SPATA17: variants seen among roughly 807,000 people sequenced by gnomAD.
SPATA17 encodes the protein spermatogenesis associated 17, also known as spermatogenesis-associated protein 17.
In SPATA17, 53 loss-of-function variants were observed where a neutral mutation model predicts 62.2. That is an observed-to-expected ratio of 0.85 (90% CI 0.68 to 1.07). SPATA17 has a LOEUF of 1.07. Ranked by LOEUF, SPATA17 falls within the 50% of genes least tolerant of loss-of-function variation. The pLI is 0.00. For synonymous variants in SPATA17, 146 were observed against 146.8 expected, an observed-to-expected ratio of 0.99 and a Z score of 0.04; for missense variants, 466 against 425.5, an observed-to-expected ratio of 1.10 and a Z score of -0.84.
intron 6 of SPATA17, among the ~76,000 whole-genome samples, chr1:217,745,550 G>C (rs35759235): frequency 0.46 from 69,737 of 151,910 alleles, 17,505 homozygotes; most frequent in Non-Finnish European, 0.58. Context: ...CTACAAGTCA[G>C]AACTATTAAT....
intron 1 of SPATA17, among the ~76,000 whole-genome samples, chr1:217,640,023 C>T (rs1223053819): frequency 6.6e-6 from 1 of 151,260 alleles, no homozygotes; most frequent in Non-Finnish European, 1.5e-5. Context: ...GTTCTTGGAA[C>T]AGTCTTTCCC....
At chr1:217,799,301 G>A (rs181823009) in intron 8 of SPATA17, among the ~76,000 whole-genome samples, 144 of 152,176 alleles carry the variant, frequency 9.5e-4, no homozygotes, top group African/African-American at 3.2e-3. Flanking sequence ...TGTCGTCTCG[G>A]CCATTCATTC....
intron 5 of SPATA17, among the ~76,000 whole-genome samples, chr1:217,710,925 T>C (rs1249522570): frequency 6.6e-6 from 1 of 152,198 alleles, no homozygotes; most frequent in African/African-American, 2.4e-5. Context: ...ATTGAACCTT[T>C]TATGACTTCT....
intron 9 of SPATA17, among the ~76,000 whole-genome samples, chr1:217,834,166 G>C (rs552669005): frequency 6.6e-6 from 1 of 152,100 alleles, no homozygotes; most frequent in South Asian, 2.1e-4. Flanking sequence ...GGGTGATGCT[G>C]GTGTAAATAA....
chr1:217,722,700 A>G (rs1178441639), intron 5 of SPATA17, among the ~76,000 whole-genome samples: 1 of 152,222 alleles, frequency 6.6e-6, no homozygotes, highest in Non-Finnish European at 1.5e-5. Context: ...GAACTTATTT[A>G]GCCACTTCTG....
chr1:217,806,789 C>G (rs948216430), intron 9 of SPATA17, among the ~76,000 whole-genome samples: 2 of 152,142 alleles, frequency 1.3e-5, no homozygotes, highest in South Asian at 4.1e-4. Context: ...GTTATGACAT[C>G]ATTTAATCTT....
intron 5 of SPATA17, among the ~76,000 whole-genome samples, chr1:217,740,416 T>C (rs1415664835): frequency 6.6e-6 from 1 of 152,142 alleles, no homozygotes; most frequent in Non-Finnish European, 1.5e-5. Flanking sequence ...TAACATGTGA[T>C]TGTTATTTTT....
chr1:217,861,810 A>C (rs1281196169), intron 9 of SPATA17, among the ~76,000 whole-genome samples: 1 of 152,096 alleles, frequency 6.6e-6, no homozygotes, highest in Admixed American at 6.5e-5. Context: ...ACCATCCTTC[A>C]TGTCACTTGG....
rs571078653 is a variant in SPATA17, at chr1:217,782,706, T to C, written c.872+384T>C. Among the ~76,000 whole-genome samples, 17 of 152,292 alleles carry C rather than the reference T, an allele frequency of 1.1e-4. No homozygotes were observed. The South Asian group carries it at 3.5e-3, about 32-fold the overall frequency. On this transcript the variant is annotated intron_variant, in intron 8 of 10. Coordinates refer to ENST00000366933, the MANE Select transcript of SPATA17 (RefSeq NM_138796.4). The stretch of plus-strand genomic sequence containing the variant: ...GTGGACTAAATATCATTTTGATCTA[T>C]TGACATAACATTGTAGTTTTAATAA...
At chr1:217,665,865 A>G (rs1455864555) in intron 3 of SPATA17, among the ~76,000 whole-genome samples, 3 of 152,216 alleles carry the variant, frequency 2.0e-5, no homozygotes, top group Non-Finnish European at 4.4e-5. Context: ...CTTTCTAAAA[A>G]TTGAGCTAGG....
chr1:217,740,706 G>T (rs1239016208), intron 5 of SPATA17, among the ~76,000 whole-genome samples: 2 of 152,290 alleles, frequency 1.3e-5, no homozygotes, highest in South Asian at 2.1e-4. Flanking sequence ...ATCTAAATGT[G>T]CAGCTAGCCT....
At chr1:217,680,922 TAAA>T (rs71166016) in intron 4 of SPATA17, among the ~76,000 whole-genome samples, 57 of 58,176 alleles carry the variant, frequency 9.8e-4, no homozygotes, top group African/African-American at 3.2e-3. Context: ...GAGACTCTGT[TAAA>T]AAAAAAAAAA....
intron 5 of SPATA17, among the ~76,000 whole-genome samples, chr1:217,723,548 A>G (rs1306465524): frequency 1.3e-5 from 2 of 152,160 alleles, no homozygotes; most frequent in Non-Finnish European, 2.9e-5. Context: ...TTATTTTCAT[A>G]TTGCCCATCC....
intron 5 of SPATA17, among the ~76,000 whole-genome samples, chr1:217,723,593 A>G (rs1419123179): frequency 6.6e-6 from 1 of 152,152 alleles, no homozygotes; most frequent in African/African-American, 2.4e-5. Context: ...AGCACCTACC[A>G]CAGTACTTGA....
At chr1:217,677,970 A>G (rs763864238) in intron 4 of SPATA17, among the ~76,000 whole-genome samples, 18 of 152,120 alleles carry the variant, frequency 1.2e-4, no homozygotes, top group Non-Finnish European at 2.6e-4. Context: ...GATACCTACA[A>G]TGAAAACTTG....
chr1:217,737,717 G>C (rs988943074), intron 5 of SPATA17: 1 of 152,368 alleles, frequency 6.6e-6, no homozygotes, highest in Non-Finnish European at 1.5e-5. Context: ...GGAACTTTGG[G>C]TTTGGTTCTG....
intron 9 of SPATA17, among the ~76,000 whole-genome samples, chr1:217,842,931 A>G (rs1271168614): frequency 1.3e-5 from 2 of 151,368 alleles, no homozygotes; most frequent in Non-Finnish European, 2.9e-5. Context: ...ACAAGTTTTC[A>G]TCATACATTT....
At chr1:217,782,598 T>C (rs1673756740) in intron 8 of SPATA17, among the ~76,000 whole-genome samples, 1 of 152,126 alleles carries the variant, frequency 6.6e-6, no homozygotes, top group Admixed American at 6.6e-5. Context: ...GATAATTTTC[T>C]TAATTATCTA....
chr1:217,740,742 A>G (rs1298855168), intron 5 of SPATA17, among the ~76,000 whole-genome samples: 2 of 152,218 alleles, frequency 1.3e-5, no homozygotes, highest in South Asian at 4.1e-4. Flanking sequence ...GAAGCCCCCA[A>G]AATACTATGC....
Sources: gnomAD v4.1 joint callset for allele counts (sites outside exome capture counted in the v4.1 genomes callset) on GRCh38, gnomAD v4.1.1 for gene constraint, MANE v1.5 for transcripts, NCBI Gene and HGNC (gene_info 2026-07-23, HGNC 2026-07-21) for gene names.